RGS22: variants seen among roughly 807,000 people sequenced by gnomAD.
The protein encoded by RGS22 is regulator of G protein signaling 22, also known as regulator of G-protein signaling 22.
RGS22 carries 148 observed loss-of-function variants against 172.9 expected under a neutral mutation model. The ratio of observed to expected loss-of-function variants is 0.86; its 90% confidence interval spans 0.75 to 0.98. The LOEUF is 0.98. Among genes scored for constraint, RGS22 ranks in the 50% least tolerant of loss-of-function variants. The pLI, the probability that RGS22 is intolerant of heterozygous loss-of-function variation, is 0.00. For synonymous variants in RGS22, 458 were observed against 480.2 expected (o/e 0.95, Z 0.60); for missense variants, 1,347 against 1,440.8 (o/e 0.93, Z 1.05).
At chr8:99,974,218 TCAATTA>T (rs1257244927) in intron 23 of RGS22, among the ~76,000 whole-genome samples, 1 of 152,110 alleles carries the variant, frequency 6.6e-6, no homozygotes, top group Admixed American at 6.6e-5. Context: ...CTTTCAGCAG[TCAATTA>T]CACATTTAAA....
chr8:100,004,051 G>C lies in RGS22; in HGVS notation c.2502C>G (p.Val834=). 6.2e-7 allele frequency: 1 copy of C among 1,611,284 alleles called. No homozygotes were observed. The highest frequency in any genetic ancestry group is 8.5e-7 in the Non-Finnish European group (1 of 1,178,484). The part of the protein sequence containing the change: ...IGTGILSLSN[V]SKRTEYWDNV... ...TATCCCAATATTCTGTTCGTTTAGAGACGTTAGAGAGTGATAAAATGCCAG... is the reference window on the plus strand; with the variant it reads ...TATCCCAATATTCTGTTCGTTTAGACACGTTAGAGAGTGATAAAATGCCAG... Residue 834 remains valine, a synonymous_variant, in exon 17 of 28, where the codon GTC becomes GTG. Coordinates refer to ENST00000360863, the MANE Select transcript of RGS22 (RefSeq NM_015668.5).
intron 14 of RGS22, among the ~76,000 whole-genome samples, chr8:100,036,542 C>A (rs575099835): frequency 6.6e-6 from 1 of 152,280 alleles, no homozygotes; most frequent in Non-Finnish European, 1.5e-5. Flanking sequence ...AAATCTCAGT[C>A]TCCTAGCACA....
chr8:100,042,279 A>T (rs1045781704), intron 11 of RGS22, among the ~76,000 whole-genome samples: 3 of 150,360 alleles, frequency 2.0e-5, no homozygotes, highest in Non-Finnish European at 2.9e-5. Context: ...TAATAAAATT[A>T]AAAAAATTTT....
At chr8:100,023,408 A>G (rs1327086308) in intron 14 of RGS22, among the ~76,000 whole-genome samples, 4 of 152,132 alleles carry the variant, frequency 2.6e-5, no homozygotes, top group Non-Finnish European at 5.9e-5. Flanking sequence ...TCTCTTCATG[A>G]GTGAAACATT....
At chr8:100,008,152 C>T (rs902619471) in intron 15 of RGS22, among the ~76,000 whole-genome samples, 6 of 151,862 alleles carry the variant, frequency 4.0e-5, no homozygotes, top group Non-Finnish European at 5.9e-5. Flanking sequence ...ATTCTCCTGC[C>T]TCAGACTCCC....
intron 21 of RGS22, among the ~76,000 whole-genome samples, chr8:99,983,259 G>T (rs574599742): frequency 6.6e-6 from 1 of 152,280 alleles, no homozygotes; most frequent in East Asian, 1.9e-4. Flanking sequence ...GTGCAGTGAT[G>T]AACATATGTG....
intron 23 of RGS22, among the ~76,000 whole-genome samples, chr8:99,972,983 CAAA>C (rs34427659): frequency 1.4e-5 from 1 of 69,800 alleles, no homozygotes; most frequent in Non-Finnish European, 3.1e-5. Context: ...GACTCCATCT[CAAA>C]AAAAAAAAAA....
chr8:99,963,039 A>ACATCT, intron 24 of RGS22, 61 bp from the exon 25 acceptor site: 1 of 1,339,476 alleles, frequency 7.5e-7, no homozygotes, highest in Non-Finnish European at 1.0e-6. Flanking sequence ...TAAACTGAAG[A>ACATCT]TAAGATGTCT....
At chr8:99,973,891 A>C (rs891469424) in intron 23 of RGS22, among the ~76,000 whole-genome samples, 22 of 151,574 alleles carry the variant, frequency 1.5e-4, no homozygotes, top group South Asian at 2.1e-4. Flanking sequence ...AACAAAAAAA[A>C]CCCAAAAACC....
At chr8:99,993,509 A>G (rs993188016) in intron 20 of RGS22, among the ~76,000 whole-genome samples, 1 of 152,216 alleles carries the variant, frequency 6.6e-6, no homozygotes, top group African/African-American at 2.4e-5. Flanking sequence ...GAACTAGGAA[A>G]TCTAGAAGAA....
Position 100,033,170 on chromosome 8 carries a change from A to G in RGS22, c.2166+5761T>C, listed in dbSNP as rs562484722. Among the ~76,000 whole-genome samples, 15 of 152,288 alleles carry G rather than the reference A, an allele frequency of 9.8e-5. No homozygotes were observed. The East Asian group carries it at 2.9e-3, about 29-fold the overall frequency. On this transcript the variant is annotated intron_variant, in intron 14 of 27. Transcript: ENST00000360863. Reference sequence around the variant, plus strand: ...GAAGACAAGAAATACTTAAGATCAGAGCAGAACTGAAGGAGACAGAGACAC... The same window carrying G: ...GAAGACAAGAAATACTTAAGATCAGGGCAGAACTGAAGGAGACAGAGACAC...
intron 9 of RGS22, among the ~76,000 whole-genome samples, chr8:100,058,084 A>G (rs994505919): frequency 1.3e-5 from 2 of 151,488 alleles, no homozygotes. Flanking sequence ...ATTTTGAAGA[A>G]TGTATCAGAG....
intron 3 of RGS22, chr8:100,091,986 A>G (rs1812615833): frequency 6.6e-6 from 1 of 152,190 alleles, no homozygotes; most frequent in South Asian, 2.1e-4. Flanking sequence ...CCAGAGACCT[A>G]GCTATGCCCA....
intron 3 of RGS22, among the ~76,000 whole-genome samples, chr8:100,089,286 T>G (rs1223403738): frequency 6.6e-6 from 1 of 152,060 alleles, no homozygotes; most frequent in African/African-American, 2.4e-5. Context: ...CCTCCAAGTT[T>G]ACTCCTTCAC....
At chr8:100,041,210 T>C (rs1002523244) in intron 12 of RGS22, among the ~76,000 whole-genome samples, 12 of 152,082 alleles carry the variant, frequency 7.9e-5, no homozygotes, top group Admixed American at 7.9e-4. Context: ...AGGCTTTGGC[T>C]GGGTGCGGTG....
At chr8:100,031,249 C>A (rs570719102) in intron 14 of RGS22, among the ~76,000 whole-genome samples, 33 of 152,104 alleles carry the variant, frequency 2.2e-4, no homozygotes, top group Middle Eastern at 3.2e-3. Flanking sequence ...GTAAATAATT[C>A]ATGTCTTCAA....
intron 14 of RGS22, among the ~76,000 whole-genome samples, chr8:100,034,664 C>G (rs947925515): frequency 6.6e-6 from 1 of 152,160 alleles, no homozygotes; most frequent in Non-Finnish European, 1.5e-5. Flanking sequence ...CCAAGACAAT[C>G]CTAAGCAAAA....
chr8:100,063,921 G>C lies in RGS22; in HGVS notation c.847C>G (p.Gln283Glu). ...AGAAGAGCTTGAGAAGGAGTGTCTT[G>C]TAGAGATACAGACACCTCTTCTTCT... ...GEEEEVSVSL[Q>E]DTPSQALLRV... Residue 283 changes from glutamine (Q) to glutamate (E), a missense_variant, in exon 8 of 28, where the codon CAA becomes GAA. Physicochemically the swap from Gln to Glu is conservative, Grantham distance 29. Coordinates refer to ENST00000360863, the MANE Select transcript of RGS22 (RefSeq NM_015668.5). 6.2e-7 allele frequency: 1 copy of C among 1,603,468 alleles called. No individual in the cohort carries two copies. Among genetic ancestry groups the C allele is most frequent in the South Asian group, 1.1e-5 (1 of 88,920 alleles).
At chr8:100,097,518 A>G (rs1445305840) in intron 2 of RGS22, among the ~76,000 whole-genome samples, 2 of 152,236 alleles carry the variant, frequency 1.3e-5, no homozygotes, top group Admixed American at 6.5e-5. Context: ...AGTGGTAGGT[A>G]TATCAGTGTT....
Sources: gnomAD v4.1 joint callset for allele counts (sites outside exome capture counted in the v4.1 genomes callset) on GRCh38, gnomAD v4.1.1 for gene constraint, MANE v1.5 for transcripts, NCBI Gene and HGNC (gene_info 2026-07-23, HGNC 2026-07-21) for gene names.